Variants in TTC21A observed in about 807,000 individuals in gnomAD.
TTC21A encodes the protein tetratricopeptide repeat protein 21A.
In TTC21A, 128 loss-of-function variants were observed where a neutral mutation model predicts 156.4. The observed-to-expected ratio is 0.82, with a 90% CI of 0.71 to 0.95. TTC21A has a LOEUF of 0.95. Ranked by LOEUF, TTC21A falls within the 40% of genes least tolerant of loss-of-function variation. TTC21A has a pLI of 0.00. For missense variants in TTC21A, 1,435 were observed against 1,602.3 expected (o/e 0.90, Z 1.78); for synonymous variants, 587 against 617.1 (o/e 0.95, Z 0.72).
At chr3:39,131,828 T>G (rs2038751709) in intron 19 of TTC21A, among the ~76,000 whole-genome samples, 1 of 152,172 alleles carries the variant, frequency 6.6e-6, no homozygotes, top group African/African-American at 2.4e-5. Context: ...ATGTGTAGTT[T>G]AATCCATTTA....
chr3:39,109,977 T>C (rs2036667362), intron 2 of TTC21A, 52 bp from the exon 3 acceptor site: 15 of 1,362,552 alleles, frequency 1.1e-5, no homozygotes, highest in Non-Finnish European at 1.5e-5. Context: ...CAGAGTCTCA[T>C]GTCCTCTAGT....
chr3:39,137,608 G>GGACCT lies in TTC21A; in HGVS notation c.3575_3579dup (p.Glu1194ThrfsTer23), dbSNP rs1377202719. The GGACCT allele has an allele frequency of 1.2e-6, 2 of 1,614,136 alleles. No homozygotes were observed. Among genetic ancestry groups the GGACCT allele is most frequent in the African/African-American group, 2.7e-5 (2 of 74,948 alleles). ...CCCCCTGGGTGCTGAGTGAGGCTGA[G>GGACCT]GACCTGGAGAAGAGCTGGCTCCTGC... On this transcript the variant is annotated frameshift_variant, in exon 26 of 29. Transcript: ENST00000683103. LOFTEE classifies it high-confidence loss of function.
intron 11 of TTC21A, 74 bp from the exon 12 acceptor site, chr3:39,126,187 T>G: frequency 6.3e-7 from 1 of 1,578,078 alleles, no homozygotes; most frequent in Non-Finnish European, 8.7e-7. Flanking sequence ...ACTGAGAGCA[T>G]TTTCTGAGAG....
rs111586410 is a variant in TTC21A, at chr3:39,119,614, G to A, written c.802-308G>A. On this transcript the variant is annotated intron_variant, in intron 7 of 28. Transcript: ENST00000683103. Reference sequence around the variant, plus strand: ...CAGGGCTACTCTATGGGTTAGCCCTGCTCCATAAGGAGCAGTCAAAAAAAA... The same window carrying A: ...CAGGGCTACTCTATGGGTTAGCCCTACTCCATAAGGAGCAGTCAAAAAAAA... 514 of 180,618 alleles carry A rather than the reference G, an allele frequency of 2.8e-3. 9 individuals carry two copies. The highest frequency in any genetic ancestry group is 0.015 in the African/African-American group (490 of 31,618). 11.2% of individuals were successfully genotyped at this position (180,618 alleles called of 1,614,324 possible). A position where few individuals can be genotyped will look rare whatever the true frequency, so the allele number is the denominator to read the frequency against.
intron 13 of TTC21A, 53 bp from the exon 14 acceptor site, chr3:39,128,664 G>A (rs944779759): frequency 6.9e-6 from 11 of 1,590,142 alleles, no homozygotes; most frequent in Non-Finnish European, 8.6e-6. Flanking sequence ...GCTGTGAGCA[G>A]CAGCAGTAGC....
rs952703194 is a variant in TTC21A, at chr3:39,110,779, C to T, written c.269-72C>T. The stretch of plus-strand genomic sequence containing the variant: ...ACCCCGAGGTAGTTCCCTGGGCCCT[C>T]GGTGGCCCATGCAGAACCAGGCAGA... On this transcript the variant is annotated intron_variant, in intron 3 of 28. Coordinates refer to ENST00000683103, the MANE Select transcript of TTC21A (RefSeq NM_001366900.1). 10 of 1,568,274 alleles carry T rather than the reference C, an allele frequency of 6.4e-6. No homozygotes were observed. The African/African-American group carries it at 6.9e-5, about 11-fold the overall frequency.
At chr3:39,125,662 G>T in intron 11 of TTC21A, 130 bp downstream of exon 11, 1 of 726,368 alleles carries the variant, frequency 1.4e-6, no homozygotes. Flanking sequence ...TGGGCAGCTG[G>T]GGAGCCCAGT....
rs1459081728 is a variant in TTC21A at position 39,128,858 on chromosome 3, C to T, written c.1822C>T (p.Pro608Ser). The change falls in exon 14 of 29, where the codon CCC (proline) becomes TCC (serine). Residue 608 changes from proline to serine, a missense_variant. Physicochemically the swap from Pro to Ser is moderately conservative, Grantham distance 74. Coordinates refer to ENST00000683103, the MANE Select transcript of TTC21A (RefSeq NM_001366900.1). ...GGAAGAAGGCAGAAAGTTCCTCAGGCCCTCTGTGCAGCCTAGCCAGCGGGC... is the reference window on the plus strand; with the variant it reads ...GGAAGAAGGCAGAAAGTTCCTCAGGTCCTCTGTGCAGCCTAGCCAGCGGGC... Reference protein sequence around the residue: ...KKEEGRKFLRPSVQPSQRASI... With the variant: ...KKEEGRKFLRSSVQPSQRASI... 1.9e-6 allele frequency: 3 copies of T among 1,614,192 alleles called. No homozygotes were observed. The highest frequency in any genetic ancestry group is 2.5e-6 in the Non-Finnish European group (3 of 1,180,032).
Position 39,125,538 on chromosome 3 carries a change from G to A in TTC21A, c.1392+6G>A. ...TGCTCTTCTGCCCCAAGCAGGTTAGGGGAAGGCCTGTCTTCATGGTGGGGG... is the reference window on the plus strand; with the variant it reads ...TGCTCTTCTGCCCCAAGCAGGTTAGAGGAAGGCCTGTCTTCATGGTGGGGG... On this transcript the variant is annotated splice_donor_region_variant and intron_variant, in intron 11 of 28. Coordinates refer to ENST00000683103, the MANE Select transcript of TTC21A (RefSeq NM_001366900.1). The A allele has an allele frequency of 6.2e-7, 1 of 1,602,368 alleles. No individual in the cohort carries two copies. Among genetic ancestry groups the A allele is most frequent in the Non-Finnish European group, 8.6e-7 (1 of 1,169,476 alleles).
At chr3:39,131,194 T>C in intron 19 of TTC21A, 99 bp downstream of exon 19, 1 of 961,580 alleles carries the variant, frequency 1.0e-6, no homozygotes, top group Non-Finnish European at 1.5e-6. Flanking sequence ...GCCCCAGACC[T>C]CTTCCTTAAA....
At position 39,130,328 on chromosome 3, in the gene TTC21A, C is replaced by G; in HGVS notation, c.2289C>G (p.His763Gln). ...HDASLASRIG[H>Q]AYVKAHQYTE... ...CCTCCCTGGCCAGCAGAATTGGGCA[C>G]GCTTATGTGAAGGCCCACCAGTATA... The change falls in exon 17 of 29, where the codon CAC becomes CAG. Residue 763 changes from histidine (H) to glutamine (Q), a missense_variant. Coordinates refer to ENST00000683103, the MANE Select transcript of TTC21A (RefSeq NM_001366900.1). The surrounding 1 kb of genome is among the most constrained non-coding windows in gnomAD (Gnocchi z 4.5). The G allele has an allele frequency of 6.2e-7, 1 of 1,613,580 alleles. No homozygotes were observed. The highest frequency in any genetic ancestry group is 8.5e-7 in the Non-Finnish European group (1 of 1,179,774).
At position 39,110,956 on chromosome 3, in the gene TTC21A, G is replaced by A. The variant is rs201228284; in HGVS notation, c.374G>A (p.Arg125His). The change falls in exon 4 of 29, where the codon CGC becomes CAC. Residue 125 changes from arginine (R) to histidine (H), a missense_variant. Physicochemically the swap from Arg to His is conservative, Grantham distance 29 (BLOSUM62 0). Transcript: ENST00000683103. ...YAGLFLWLIG[R>H]HDKAKEYIDR... is the part of the protein sequence containing the mutation. The stretch of plus-strand genomic sequence containing the variant: ...GGCCTTTTCCTCTGGCTCATAGGCC[G>A]CCATGACAAGGCCAAAGAGTACATT... 3.5e-5 allele frequency: 56 copies of A among 1,613,794 alleles called. No homozygotes were observed. The highest frequency in any genetic ancestry group is 4.3e-5 in the Non-Finnish European group (51 of 1,179,952).
intron 6 of TTC21A, among the ~76,000 whole-genome samples, chr3:39,116,497 G>T (rs150121180): frequency 6.6e-6 from 1 of 151,448 alleles, no homozygotes; most frequent in Non-Finnish European, 1.5e-5. Flanking sequence ...TTTTTGGGGG[G>T]GAATGTCTTG....
intron 10 of TTC21A, 81 bp from the exon 11 acceptor site, chr3:39,125,251 G>A (rs2038125894): frequency 6.5e-7 from 1 of 1,537,008 alleles, no homozygotes; most frequent in Non-Finnish European, 9.0e-7. Flanking sequence ...ATGCAAGGTG[G>A]TCTGGACCTT....
At chr3:39,133,776 C>T (rs1005126854) in intron 20 of TTC21A, among the ~76,000 whole-genome samples, 7 of 152,192 alleles carry the variant, frequency 4.6e-5, no homozygotes, top group African/African-American at 1.2e-4. Context: ...GTACTTTGCC[C>T]GGCTCTGGAG....
chr3:39,137,444 C>G (rs759673326), intron 25 of TTC21A, 42 bp from the exon 26 acceptor site: 1 of 1,611,404 alleles, frequency 6.2e-7, no homozygotes, highest in South Asian at 1.1e-5. Context: ...GAAGACCAGG[C>G]GGCCAACACG....
At chr3:39,109,352 G>A (rs1054098933) in intron 2 of TTC21A, 138 bp downstream of exon 2, 57 of 953,066 alleles carry the variant, frequency 6.0e-5, no homozygotes, top group Middle Eastern at 3.5e-4. Flanking sequence ...GGATTCCCAC[G>A]GGAATCCACA....
chr3:39,117,946 G>C (rs1289251596), intron 6 of TTC21A, 123 bp from the exon 7 acceptor site: 13 of 732,026 alleles, frequency 1.8e-5, no homozygotes, highest in Non-Finnish European at 2.7e-5. Flanking sequence ...GCTAATTTGG[G>C]AGTTCTATTA....
Position 39,129,283 on chromosome 3 carries a change from A to T in TTC21A, c.2108A>T (p.Asp703Val), listed in dbSNP as rs2038533054. The T allele has an allele frequency of 3.1e-6, 5 of 1,614,174 alleles. No homozygotes were observed. In the East Asian group the frequency reaches 1.1e-4, roughly 36 times the overall value. ...AACATCTACCTGCAGACCCTCAGAG[A>T]CAGGCGCCTCTACATCAGATGCTAC... ...MANIYLQTLR[D>V]RRLYIRCYRE... Residue 703 changes from aspartate (D) to valine (V), a missense_variant, in exon 15 of 29, where the codon GAC becomes GTC. Asp to Val is a radical substitution (Grantham distance 152). Transcript: ENST00000683103.
Sources: gnomAD v4.1 joint callset for allele counts (sites outside exome capture counted in the v4.1 genomes callset) on GRCh38, gnomAD v4.1.1 for gene constraint, Gnocchi (gnomAD v3.1) non-coding constraint, MANE v1.5 for transcripts, NCBI Gene and HGNC (gene_info 2026-07-23, HGNC 2026-07-21) for gene names.